Variants in MSH3 observed in about 807,000 individuals in gnomAD.
MSH3 encodes the protein mutS homolog 3.
MSH3 carries 106 observed loss-of-function variants against 123.3 expected under a neutral mutation model. The ratio of observed to expected loss-of-function variants is 0.86; its 90% CI spans 0.73 to 1.01. The LOEUF is 1.01. MSH3 is among the 50% of genes least tolerant of loss of function. The pLI is 0.00. For synonymous variants in MSH3, 515 were observed against 481.4 expected (o/e 1.07, Z -0.91); for missense variants, 1,459 against 1,347.6 (o/e 1.08, Z -1.29).
chr5:80,664,074 C>G (rs1023742670), intron 2 of MSH3, among the ~76,000 whole-genome samples: 1 of 152,144 alleles, frequency 6.6e-6, no homozygotes, highest in Non-Finnish European at 1.5e-5. Flanking sequence ...AGTTTCCCTT[C>G]TTTTATGGAT....
At chr5:80,703,631 A>T (rs1750657182) in intron 8 of MSH3, among the ~76,000 whole-genome samples, 1 of 152,000 alleles carries the variant, frequency 6.6e-6, no homozygotes, top group Admixed American at 6.6e-5. Context: ...AGTCTGCTTG[A>T]AGAAGGAGAG....
chr5:80,684,358 C>T (rs1750038207), intron 8 of MSH3, among the ~76,000 whole-genome samples: 1 of 152,050 alleles, frequency 6.6e-6, no homozygotes, highest in Non-Finnish European at 1.5e-5. Context: ...TGTTTTACAT[C>T]AGTGTTTTAT....
Position 80,802,977 on chromosome 5 carries a change from A to G in MSH3, c.2655+10133A>G, listed in dbSNP as rs140363673. Reference sequence around the variant, plus strand: ...ATTTTCTTTGTCCATTCATCTGTTGATGGACACTTAGTTTGCTTCCAGATC... The same window carrying G: ...ATTTTCTTTGTCCATTCATCTGTTGGTGGACACTTAGTTTGCTTCCAGATC... On this transcript the variant is annotated intron_variant, in intron 19 of 23. Coordinates refer to ENST00000265081, the MANE Select transcript of MSH3 (RefSeq NM_002439.5). Among the ~76,000 whole-genome samples the G allele has an allele frequency of 7.0e-3, 1,061 of 152,162 alleles. 8 individuals are homozygous for G. Among genetic ancestry groups the G allele is most frequent in the South Asian group, 0.044 (213 of 4,824 alleles).
chr5:80,745,403 C>T (rs915844520), intron 12 of MSH3, among the ~76,000 whole-genome samples: 2 of 152,190 alleles, frequency 1.3e-5, no homozygotes, highest in Admixed American at 6.5e-5. Context: ...TTATTTATTG[C>T]ACACTTTCTA....
chr5:80,673,119 G>A (rs1330810005), intron 6 of MSH3, among the ~76,000 whole-genome samples: 1 of 152,174 alleles, frequency 6.6e-6, no homozygotes, highest in Non-Finnish European at 1.5e-5. Flanking sequence ...AATAAAAGAC[G>A]ATGTCAGGTT....
At chr5:80,756,856 T>C (rs1003078703) in intron 12 of MSH3, among the ~76,000 whole-genome samples, 3 of 152,188 alleles carry the variant, frequency 2.0e-5, no homozygotes, top group Non-Finnish European at 4.4e-5. Flanking sequence ...TATATAGGTC[T>C]AATGATGCTT....
intron 20 of MSH3, among the ~76,000 whole-genome samples, chr5:80,846,573 T>C (rs1487059024): frequency 6.6e-5 from 10 of 152,142 alleles, no homozygotes; most frequent in Non-Finnish European, 1.5e-5. Flanking sequence ...CAGTTTGAGC[T>C]TCCAGGCCAC....
At chr5:80,727,193 G>A (rs1743317017) in intron 9 of MSH3, among the ~76,000 whole-genome samples, 2 of 152,158 alleles carry the variant, frequency 1.3e-5, no homozygotes, top group African/African-American at 2.4e-5. Context: ...CTGATATTTG[G>A]TCATTTTTAC....
rs143210985 is a variant in MSH3 at position 80,727,810 on chromosome 5, A to G, written c.1454-1041A>G. On this transcript the variant is annotated intron_variant, in intron 9 of 23. Transcript: ENST00000265081. ...TAGAAGGTGATAAGTGCTATGAAAA[A>G]AATAAGGCAGGGGAGTGGGTTGAAC... 5.1e-3 allele frequency among the ~76,000 whole-genome samples: 773 copies of G among 152,312 alleles called. 4 individuals carry two copies. Among genetic ancestry groups the G allele is most frequent in the Non-Finnish European group, 9.0e-3 (611 of 68,010 alleles).
At chr5:80,824,232 G>T (rs561156135) in intron 20 of MSH3, among the ~76,000 whole-genome samples, 8 of 151,856 alleles carry the variant, frequency 5.3e-5, no homozygotes, top group Non-Finnish European at 7.4e-5. Flanking sequence ...ACGGGGTGGC[G>T]GCCGGGCAGA....
chr5:80,733,081 C>T (rs1235872790), intron 10 of MSH3, among the ~76,000 whole-genome samples: 1 of 151,884 alleles, frequency 6.6e-6, no homozygotes, highest in Non-Finnish European at 1.5e-5. Context: ...AGTGAGTAAT[C>T]AAGACAGTGT....
chr5:80,854,300 A>C lies in MSH3; in HGVS notation c.2984A>C (p.Glu995Ala), dbSNP rs1745880551. The change falls in exon 21 of 24, where the codon GAG becomes GCG. Residue 995 changes from glutamate to alanine, a missense_variant. Physicochemically the swap from Glu to Ala is moderately radical, Grantham distance 107 (BLOSUM62 -1). Coordinates refer to ENST00000265081, the MANE Select transcript of MSH3 (RefSeq NM_002439.5). ...DGIAIAYATL[E>A]YFIRDVKSLT... is the part of the protein sequence containing the mutation. ...ATTGCCATTGCCTATGCTACACTTG[A>C]GTATTTCATCAGAGATGTAAGTATC... The C allele has an allele frequency of 3.7e-6, 6 of 1,613,750 alleles. No homozygotes were observed. The South Asian group carries it at 5.5e-5, about 15-fold the overall frequency.
intron 10 of MSH3, 37 bp from the exon 11 acceptor site, chr5:80,741,427 C>G: frequency 7.5e-7 from 1 of 1,341,286 alleles, no homozygotes; most frequent in South Asian, 1.2e-5. Context: ...TCTTTATGCA[C>G]TTACATCTAG....
Position 80,873,111 on chromosome 5 carries a change from C to T in MSH3, c.3131-5C>T, listed in dbSNP as rs113581036. ...CAGTTTTGATCTCCTTTCTTTATTT[C>T]ACAGGCGCAGCAGAACAAGTCCCTG... is the stretch of plus-strand genomic sequence containing the variant. On this transcript the variant is annotated splice_polypyrimidine_tract_variant and splice_region_variant and intron_variant, in intron 22 of 23. Coordinates refer to ENST00000265081, the MANE Select transcript of MSH3 (RefSeq NM_002439.5). 1.2e-6 allele frequency: 2 copies of T among 1,611,984 alleles called. No individual in the cohort carries two copies. Among genetic ancestry groups the T allele is most frequent in the Non-Finnish European group, 1.7e-6 (2 of 1,178,200 alleles).
chr5:80,871,501 A>G (rs1020092037), intron 22 of MSH3, among the ~76,000 whole-genome samples: 11 of 152,176 alleles, frequency 7.2e-5, no homozygotes, highest in Admixed American at 6.5e-4. Flanking sequence ...AGCCATGTCA[A>G]GGCTTCCCAG....
chr5:80,747,298 A>G (rs1170205173), intron 12 of MSH3, among the ~76,000 whole-genome samples: 1 of 152,058 alleles, frequency 6.6e-6, no homozygotes, highest in African/African-American at 2.4e-5. Context: ...TTGTGTACCC[A>G]GGATTAATTT....
intron 11 of MSH3, among the ~76,000 whole-genome samples, chr5:80,743,063 C>T (rs1472226853): frequency 6.6e-6 from 1 of 152,076 alleles, no homozygotes; most frequent in Non-Finnish European, 1.5e-5. Context: ...CCCCACCGCC[C>T]CTCGCCCACC....
chr5:80,686,275 G>T (rs1750087436), intron 8 of MSH3, among the ~76,000 whole-genome samples: 1 of 152,022 alleles, frequency 6.6e-6, no homozygotes, highest in South Asian at 2.1e-4. Flanking sequence ...ATGAAAGTGG[G>T]GTGTTGAAGT....
intron 8 of MSH3, among the ~76,000 whole-genome samples, chr5:80,717,437 A>G (rs1253596877): frequency 1.3e-5 from 2 of 151,734 alleles, no homozygotes; most frequent in African/African-American, 4.8e-5. Context: ...CAGCTAATTT[A>G]TATTATTTTT....
Sources: allele counts gnomAD v4.1 joint callset (sites outside exome capture counted in the v4.1 genomes callset), GRCh38; gene constraint gnomAD v4.1.1; transcripts MANE v1.5; gene names NCBI Gene and HGNC (gene_info 2026-07-23, HGNC 2026-07-21).